The following SUMF1 variants were observed in gnomAD, a reference collection of about 807,000 sequenced individuals.
The protein encoded by SUMF1 is sulfatase modifying factor 1, also known as formylglycine-generating enzyme.
Under a neutral mutation model 47.6 loss-of-function variants are expected in SUMF1, and 48 were observed. That is an observed-to-expected ratio of 1.01 (90% CI 0.80 to 1.28). The LOEUF is 1.28. Among genes scored for constraint, SUMF1 ranks in the 50% most tolerant of loss-of-function variants. SUMF1 has a pLI of 0.00. For synonymous variants in SUMF1, 230 were observed against 192.1 expected (o/e 1.20, Z -1.63); for missense variants, 571 against 485.4 (o/e 1.18, Z -1.66).
chr3:4,057,690 A>G (rs1047988117), intron 9 of SUMF1, among the ~76,000 whole-genome samples: 4 of 152,154 alleles, frequency 2.6e-5, no homozygotes, highest in Non-Finnish European at 5.9e-5. Context: ...GGAAGGAAGG[A>G]GGAACCTGTG....
intron 8 of SUMF1, among the ~76,000 whole-genome samples, chr3:4,323,598 G>C (rs1698882939): frequency 6.6e-6 from 1 of 152,106 alleles, no homozygotes. Flanking sequence ...AAGAGAAGGA[G>C]GAGCAGCAGA....
chr3:4,368,653 C>T (rs914849710), intron 8 of SUMF1, among the ~76,000 whole-genome samples: 24 of 152,160 alleles, frequency 1.6e-4, no homozygotes, highest in African/African-American at 5.8e-4. Context: ...AAGAGTATCA[C>T]GACTCATGTC....
chr3:4,460,980 A>C (rs2079800777), intron 1 of SUMF1, among the ~76,000 whole-genome samples: 1 of 152,028 alleles, frequency 6.6e-6, no homozygotes, highest in Non-Finnish European at 1.5e-5. Context: ...CTGTGTTTTC[A>C]TCTTCCCTAG....
chr3:4,366,938 C>G (rs1216353481), intron 8 of SUMF1, among the ~76,000 whole-genome samples: 2 of 152,324 alleles, frequency 1.3e-5, no homozygotes, highest in Middle Eastern at 3.4e-3. Context: ...TTCTAACAGA[C>G]AGGACCCTCA....
intron 8 of SUMF1, among the ~76,000 whole-genome samples, chr3:4,141,528 C>A (rs78332380): frequency 1.3e-5 from 2 of 151,924 alleles, no homozygotes; most frequent in African/African-American, 4.8e-5. Flanking sequence ...TCAACTCAAG[C>A]GGCTCACATC....
intron 6 of SUMF1, among the ~76,000 whole-genome samples, chr3:4,415,618 G>A (rs900815772): frequency 6.6e-6 from 1 of 152,154 alleles, no homozygotes; most frequent in African/African-American, 2.4e-5. Flanking sequence ...TTCAAGACCA[G>A]CCTGGCCAAC....
chr3:4,262,523 A>G (rs560074869), intron 8 of SUMF1, among the ~76,000 whole-genome samples: 1 of 152,318 alleles, frequency 6.6e-6, no homozygotes, highest in East Asian at 1.9e-4. Flanking sequence ...CACAAGCAAG[A>G]TCATCAGAAT....
intron 8 of SUMF1, among the ~76,000 whole-genome samples, chr3:4,171,138 A>G (rs940953218): frequency 6.6e-6 from 1 of 152,218 alleles, no homozygotes. Flanking sequence ...ATGGCTGAAT[A>G]AACACCTTGC....
intron 2 of SUMF1, among the ~76,000 whole-genome samples, chr3:4,451,905 G>A (rs989758371): frequency 2.6e-5 from 4 of 152,000 alleles, no homozygotes; most frequent in South Asian, 2.1e-4. Flanking sequence ...GGATGGTCTC[G>A]ATCGCCTGAC....
chr3:4,037,000 C>T (rs1227189680), intron 9 of SUMF1, among the ~76,000 whole-genome samples: 1 of 152,024 alleles, frequency 6.6e-6, no homozygotes, highest in Non-Finnish European at 1.5e-5. Context: ...AAGATATACA[C>T]ACAGCTTAAA....
At chr3:4,252,089 C>T (rs1329997310) in intron 8 of SUMF1, among the ~76,000 whole-genome samples, 1 of 152,118 alleles carries the variant, frequency 6.6e-6, no homozygotes, top group Non-Finnish European at 1.5e-5. Flanking sequence ...TCTTAATTTC[C>T]TCATGGTCCT....
chr3:4,418,228 A>T (rs1470525642), intron 4 of SUMF1, 96 bp from the exon 5 acceptor site: 4 of 1,554,846 alleles, frequency 2.6e-6, no homozygotes, highest in Non-Finnish European at 3.5e-6. Flanking sequence ...CCTCAGTTCA[A>T]TCTGTGACAC....
intron 8 of SUMF1, among the ~76,000 whole-genome samples, chr3:4,215,339 T>C (rs2220188): frequency 0.047 from 7,153 of 152,256 alleles, 469 homozygotes; most frequent in East Asian, 0.18. Flanking sequence ...TTCAATAAAA[T>C]TCAACATCCC....
chr3:4,299,828 A>T (rs1697927221), intron 8 of SUMF1, among the ~76,000 whole-genome samples: 1 of 152,190 alleles, frequency 6.6e-6, no homozygotes, highest in Non-Finnish European at 1.5e-5. Flanking sequence ...AAAAATAAAA[A>T]AACAGTATCT....
intron 8 of SUMF1, among the ~76,000 whole-genome samples, chr3:4,170,242 T>C (rs1030145465): frequency 6.6e-6 from 1 of 152,166 alleles, no homozygotes; most frequent in Non-Finnish European, 1.5e-5. Flanking sequence ...ACATAAAAAG[T>C]TGACTGAACC....
chr3:4,165,505 T>G (rs1694678980), intron 8 of SUMF1, among the ~76,000 whole-genome samples: 1 of 152,078 alleles, frequency 6.6e-6, no homozygotes, highest in Non-Finnish European at 1.5e-5. Flanking sequence ...GGAGGTAAGC[T>G]GAGAGGTCCT....
intron 8 of SUMF1, among the ~76,000 whole-genome samples, chr3:4,340,406 T>C (rs1699246957): frequency 6.6e-6 from 1 of 152,180 alleles, no homozygotes; most frequent in Non-Finnish European, 1.5e-5. Context: ...TGCAGAGCTC[T>C]ACAGACTGTG....
At chr3:4,338,270 T>C (rs1388281979) in intron 8 of SUMF1, among the ~76,000 whole-genome samples, 1 of 151,236 alleles carries the variant, frequency 6.6e-6, no homozygotes, top group Non-Finnish European at 1.5e-5. Context: ...TGAGACCCTG[T>C]CTCTTTATTA....
intron 9 of SUMF1, among the ~76,000 whole-genome samples, chr3:4,059,123 T>C (rs758286502): frequency 6.6e-6 from 1 of 152,044 alleles, no homozygotes; most frequent in African/African-American, 2.4e-5. Flanking sequence ...TAGAATCCTA[T>C]AGAAAAATCC....
Sources: gnomAD v4.1 joint callset for allele counts (sites outside exome capture counted in the v4.1 genomes callset) on GRCh38, gnomAD v4.1.1 for gene constraint, MANE v1.5 for transcripts, NCBI Gene and HGNC (gene_info 2026-07-23, HGNC 2026-07-21) for gene names.